The following C20orf203 variants were observed in gnomAD, a reference collection of about 807,000 sequenced individuals.
C20orf203 encodes the protein uncharacterized protein C20orf203.
In C20orf203, 16 loss-of-function variants were observed where a neutral mutation model predicts 15.9. The observed-to-expected ratio is 1.01, with a 90% confidence interval of 0.68 to 1.53. The LOEUF (loss-of-function observed/expected upper bound fraction) is 1.53. Ranked by LOEUF, C20orf203 falls within the 40% of genes most tolerant of loss-of-function variation. The pLI is 0.00. For synonymous variants in C20orf203, 98 were observed against 97.2 expected (o/e 1.01, Z -0.05); for missense variants, 263 against 247.5 (o/e 1.06, Z -0.42).
At chr20:32,657,550 G>C (rs553816506) in intron 1 of C20orf203, 2 of 150,348 alleles carry the variant, frequency 1.3e-5, no homozygotes, top group South Asian at 2.1e-4. Flanking sequence ...GCAACATAGT[G>C]AGACCTCATC....
chr20:32,636,204 G>A (rs142988609), intron 5 of C20orf203, among the ~76,000 whole-genome samples: 3 of 152,292 alleles, frequency 2.0e-5, no homozygotes, highest in Admixed American at 6.5e-5. Context: ...TAGGGCCCAG[G>A]ATTTATTTCT....
chr20:32,650,646 C>T lies in C20orf203; in HGVS notation c.371G>A (p.Arg124Lys), dbSNP rs756316988. The change falls in exon 4 of 6, where the codon AGG (arginine) becomes AAG (lysine). Residue 124 changes from arginine to lysine, a missense_variant. Transcript: ENST00000608990. The stretch of plus-strand genomic sequence containing the variant: ...CCGCCCAGCAGGGGCCCGCAGCCCC[C>T]TCCCCACTTCCCTATCTCTCCGACC... The part of the protein sequence containing the change: ...KVGRRDREVG[R>K]GLRAPAGRGR... 1.9e-6 allele frequency: 3 copies of T among 1,549,042 alleles called. No homozygotes were observed. Among genetic ancestry groups the T allele is most frequent in the Non-Finnish European group, 2.6e-6 (3 of 1,146,088 alleles).
intron 1 of C20orf203, among the ~76,000 whole-genome samples, chr20:32,660,463 C>T (rs17123518): frequency 0.029 from 4,397 of 152,296 alleles, 71 homozygotes; most frequent in Non-Finnish European, 0.043. Flanking sequence ...CGAGAGGCCA[C>T]GCTGCTGCCG....
intron 1 of C20orf203, among the ~76,000 whole-genome samples, chr20:32,662,869 G>A (rs1472696325): frequency 1.3e-4 from 17 of 128,386 alleles, no homozygotes; most frequent in Non-Finnish European, 1.9e-4. Flanking sequence ...GGTGACAGGC[G>A]AGACTCTGTC....
rs1287092036 is a variant in C20orf203 at position 32,650,540 on chromosome 20, T to C, written c.477A>G (p.Ser159=). The part of the protein sequence containing the change: ...GQALSSLAWT[S]TCFQDFCLPS... ...GGAGGCAGAAGTCCTGGAAACATGT[T>C]GAGGTCCAGGCCAGCGAGGACAGAG... is the stretch of plus-strand genomic sequence containing the variant. Residue 159 remains serine, a synonymous_variant, in exon 4 of 6, where the codon TCA becomes TCG. Transcript: ENST00000608990. 9 of 1,549,642 alleles carry C rather than the reference T, an allele frequency of 5.8e-6. No individual in the cohort carries two copies. The highest frequency in any genetic ancestry group is 1.4e-5 in the African/African-American group (1 of 73,028).
In C20orf203 at chr20:32,650,644, C is replaced by T. The variant is rs746477888; in HGVS notation, c.373G>A (p.Gly125Arg). 9.0e-5 allele frequency: 139 copies of T among 1,548,890 alleles called. No individual in the cohort carries two copies. The highest frequency in any genetic ancestry group is 1.1e-4 in the Non-Finnish European group (131 of 1,146,110). The change falls in exon 4 of 6, where the codon GGG (glycine) becomes AGG (arginine). Residue 125 changes from glycine (G) to arginine (R), a missense_variant. Coordinates refer to ENST00000608990, the MANE Select transcript of C20orf203 (RefSeq NM_182584.4). ...VGRRDREVGR[G>R]LRAPAGRGRA... ...CCCCGCCCAGCAGGGGCCCGCAGCC[C>T]CCTCCCCACTTCCCTATCTCTCCGA...
At chr20:32,648,523 C>T (rs1455705925) in intron 4 of C20orf203, among the ~76,000 whole-genome samples, 1 of 145,784 alleles carries the variant, frequency 6.9e-6, no homozygotes, top group Non-Finnish European at 1.5e-5. Context: ...TCACTGCAAG[C>T]TCCGCCTCCC....
At chr20:32,644,641 C>A (rs1158845615) in intron 4 of C20orf203, among the ~76,000 whole-genome samples, 1 of 152,026 alleles carries the variant, frequency 6.6e-6, no homozygotes, top group Non-Finnish European at 1.5e-5. Context: ...TTCAAGTAGC[C>A]CCTCACATCT....
chr20:32,639,133 G>C (rs1982211363), intron 5 of C20orf203, among the ~76,000 whole-genome samples: 1 of 152,188 alleles, frequency 6.6e-6, no homozygotes, highest in South Asian at 2.1e-4. Context: ...CTGGCTCTCC[G>C]CCACGAGCCT....
Position 32,634,286 on chromosome 20 carries a change from A to G in C20orf203, c.*1300-16T>C, listed in dbSNP as rs1478138878. On this transcript the variant is annotated splice_polypyrimidine_tract_variant and intron_variant, in intron 5 of 5. Coordinates refer to ENST00000608990, the MANE Select transcript of C20orf203 (RefSeq NM_182584.4). ...ATGCTGGAGTCTGGAAAGATAAGAAAGAATTAGCAAGACAGGCATTGGGAG... is the reference window on the plus strand; with the variant it reads ...ATGCTGGAGTCTGGAAAGATAAGAAGGAATTAGCAAGACAGGCATTGGGAG... The G allele has an allele frequency of 2.5e-6, 1 of 398,360 alleles. No individual in the cohort carries two copies. The highest frequency in any genetic ancestry group is 2.1e-5 in the African/African-American group (1 of 48,616). 24.7% of individuals were successfully genotyped at this position (398,360 alleles called of 1,614,324 possible).
intron 5 of C20orf203, among the ~76,000 whole-genome samples, chr20:32,636,093 C>T (rs957622028): frequency 1.2e-4 from 19 of 152,170 alleles, no homozygotes; most frequent in Non-Finnish European, 2.2e-4. Context: ...CACCGAGCAC[C>T]CTTGCCACTG....
chr20:32,665,738 G>T (rs147725865), intron 1 of C20orf203, among the ~76,000 whole-genome samples: 532 of 152,244 alleles, frequency 3.5e-3, no homozygotes, highest in Middle Eastern at 6.8e-3. Context: ...GGCCAAGGAG[G>T]GTGGATCACG....
chr20:32,650,166 C>A lies in C20orf203; in HGVS notation c.*266G>T. Reference sequence around the variant, plus strand: ...GCCATTCTCCAGCAGCTGGACAGGACCAGAGCCTGCCCCGCATGTCCGGCC... The same window carrying A: ...GCCATTCTCCAGCAGCTGGACAGGAACAGAGCCTGCCCCGCATGTCCGGCC... On this transcript the variant is annotated 3_prime_UTR_variant, in exon 4 of 6. Coordinates refer to ENST00000608990, the MANE Select transcript of C20orf203 (RefSeq NM_182584.4). 1 of 473,782 alleles carries A rather than the reference C, an allele frequency of 2.1e-6. No individual in the cohort carries two copies. Among genetic ancestry groups the A allele is most frequent in the Non-Finnish European group, 3.8e-6 (1 of 261,434 alleles). The allele number at this position is 473,782 out of a possible 1,614,324, so 29.3% of individuals were successfully genotyped here. A position where few individuals can be genotyped will look rare whatever the true frequency, so the allele number is the denominator to read the frequency against.
chr20:32,659,750 G>A (rs761467648), intron 1 of C20orf203, among the ~76,000 whole-genome samples: 4 of 152,250 alleles, frequency 2.6e-5, no homozygotes, highest in Non-Finnish European at 5.9e-5. Flanking sequence ...GGCAGGAAGA[G>A]GTGCAAGCCA....
At chr20:32,655,461 C>A (rs1218042505) in intron 1 of C20orf203, among the ~76,000 whole-genome samples, 2 of 151,812 alleles carry the variant, frequency 1.3e-5, no homozygotes, top group Non-Finnish European at 2.9e-5. Context: ...ATATAAAGAA[C>A]CCTTACAACT....
At chr20:32,668,917 T>A (rs1268129493) in intron 1 of C20orf203, among the ~76,000 whole-genome samples, 1 of 152,190 alleles carries the variant, frequency 6.6e-6, no homozygotes, top group Non-Finnish European at 1.5e-5. Context: ...ACATTGACCA[T>A]GTTCTTGCCA....
rs58582539 is a variant in C20orf203 at position 32,648,607 on chromosome 20, A to ATGTTTT, written c.*1177+647_*1177+648insAAAACA. 5.6e-5 allele frequency among the ~76,000 whole-genome samples: 7 copies of ATGTTTT among 125,928 alleles called. 1 individual carries two copies. The highest frequency in any genetic ancestry group is 2.9e-4 in the South Asian group (1 of 3,416). The allele number at this position is 125,928 out of a possible 152,430, so 82.6% of individuals were successfully genotyped here. A position where few individuals can be genotyped will look rare whatever the true frequency, so the allele number is the denominator to read the frequency against. On this transcript the variant is annotated intron_variant, in intron 4 of 5. Transcript: ENST00000608990. The stretch of plus-strand genomic sequence containing the variant: ...AGGCGCCTGCTGCCAAATCTGGCTA[A>ATGTTTT]TTTTTTTTTTTTGTGTGTGTGTTTT...
At chr20:32,673,609 C>T (rs754411159) in intron 1 of C20orf203, 23 bp downstream of exon 1, 1 of 152,616 alleles carries the variant, frequency 6.6e-6, no homozygotes, top group Non-Finnish European at 1.5e-5. Flanking sequence ...ACTTTCAGCA[C>T]AGACAGGCTG....
chr20:32,637,285 C>T (rs1446861261), intron 5 of C20orf203, among the ~76,000 whole-genome samples: 6 of 152,192 alleles, frequency 3.9e-5, no homozygotes, highest in African/African-American at 7.2e-5. Context: ...TGGTGGCAGG[C>T]GCCTATAGTC....
Sources: allele counts gnomAD v4.1 joint callset (sites outside exome capture counted in the v4.1 genomes callset), GRCh38; gene constraint gnomAD v4.1.1; transcripts MANE v1.5; gene names NCBI Gene and HGNC (gene_info 2026-07-23, HGNC 2026-07-21).